TTC6: variants seen among roughly 807,000 people sequenced by gnomAD.
TTC6 encodes the protein tetratricopeptide repeat domain 6, also known as tetratricopeptide repeat protein 6.
In TTC6, 172 loss-of-function variants were observed where a neutral mutation model predicts 210.4. That is an observed-to-expected ratio of 0.82 (90% CI 0.72 to 0.93). TTC6 has a LOEUF of 0.93. Ranked by LOEUF, TTC6 falls within the 40% of genes least tolerant of loss-of-function variation. The probability of loss-of-function intolerance (pLI) is 0.00; values close to 1 mark genes in which losing one functional copy is unlikely to be tolerated. For synonymous variants in TTC6, 804 were observed against 819.6 expected, an observed-to-expected ratio of 0.98 and a Z score of 0.32; for missense variants, 2,414 against 2,318.1, an observed-to-expected ratio of 1.04 and a Z score of -0.85.
chr14:37,724,153 T>A (rs1017393112), intron 6 of TTC6, among the ~76,000 whole-genome samples: 5 of 152,118 alleles, frequency 3.3e-5, no homozygotes, highest in Admixed American at 3.3e-4. Flanking sequence ...TTCATGTTTT[T>A]TAAAATAAAA....
exon 12 of TTC6, chr14:37,749,721 T>A (rs756169914): frequency 7.0e-7 from 1 of 1,427,582 alleles, no homozygotes; most frequent in Non-Finnish European, 9.1e-7. Context: ...TAGGTAATAC[T>A]CTTGGAACCA....
At chr14:37,665,148 G>A (rs1257165378) in intron 1 of TTC6, among the ~76,000 whole-genome samples, 1 of 150,374 alleles carries the variant, frequency 6.7e-6, no homozygotes, top group African/African-American at 2.4e-5. Context: ...CCATTACGGG[G>A]TATATACCCA....
At chr14:37,695,960 T>C (rs1320532747) in intron 3 of TTC6, among the ~76,000 whole-genome samples, 1 of 152,152 alleles carries the variant, frequency 6.6e-6, no homozygotes, top group African/African-American at 2.4e-5. Context: ...TAGTAGCAAA[T>C]GTGAAAAACT....
chr14:37,713,513 C>G (rs2095847893), intron 5 of TTC6, among the ~76,000 whole-genome samples: 1 of 151,956 alleles, frequency 6.6e-6, no homozygotes, highest in African/African-American at 2.4e-5. Flanking sequence ...GCTGGGATTA[C>G]AGGCATGAAC....
intron 2 of TTC6, among the ~76,000 whole-genome samples, chr14:37,681,601 T>C (rs1227311408): frequency 6.6e-6 from 1 of 152,150 alleles, no homozygotes; most frequent in Non-Finnish European, 1.5e-5. Context: ...ACCTTTCGAC[T>C]TGGTACCGGG....
At chr14:37,814,876 G>T (rs2096137895) in intron 25 of TTC6, among the ~76,000 whole-genome samples, 1 of 152,146 alleles carries the variant, frequency 6.6e-6, no homozygotes, top group Non-Finnish European at 1.5e-5. Flanking sequence ...CAGTTTTAGT[G>T]GGAAAGATTG....
rs543526019 is a variant in TTC6, at chr14:37,686,749, A to G, written c.1257+3785A>G. Among the ~76,000 whole-genome samples, 199 of 152,272 alleles carry G rather than the reference A, an allele frequency of 1.3e-3. 1 individual carries two copies. The highest frequency in any genetic ancestry group is 6.5e-4 in the Non-Finnish European group (44 of 68,016). On this transcript the variant is annotated intron_variant, in intron 3 of 30. Coordinates refer to ENST00000553443, the Ensembl canonical transcript of TTC6. ...GAAACCATCAGATGTTGTGAGACTT[A>G]TTAACTACCATGAGAACAGTATGGA...
chr14:37,606,594 C>A, intron 1 of TTC6, 69 bp from the exon 2 acceptor site: 1 of 302,486 alleles, frequency 3.3e-6, no homozygotes, highest in Non-Finnish European at 4.9e-6. Flanking sequence ...CCTAATATTG[C>A]TAGACCTTGA....
At chr14:37,732,812 G>A (rs934647847) in intron 7 of TTC6, among the ~76,000 whole-genome samples, 1 of 150,278 alleles carries the variant, frequency 6.7e-6, no homozygotes, top group South Asian at 2.1e-4. Context: ...TAGAGACGGG[G>A]TTTCACCATG....
At chr14:37,685,953 C>T (rs959476552) in intron 3 of TTC6, among the ~76,000 whole-genome samples, 1 of 152,014 alleles carries the variant, frequency 6.6e-6, no homozygotes, top group Admixed American at 6.6e-5. Flanking sequence ...GTGTTTGAAC[C>T]CTTCTAAAAG....
intron 10 of TTC6, among the ~76,000 whole-genome samples, chr14:37,746,207 G>T (rs1957577): frequency 0.94 from 142,300 of 152,170 alleles, 67,305 homozygotes; most frequent in East Asian, 1. Flanking sequence ...CAAATTTCTT[G>T]GCTCCCGTTC....
chr14:37,738,689 A>C, intron 9 of TTC6, 87 bp from the exon 12 acceptor site: 1 of 1,095,934 alleles, frequency 9.1e-7, no homozygotes, highest in East Asian at 2.7e-5. Flanking sequence ...CCACATTAAT[A>C]GTAATTGTAA....
chr14:37,750,773 C>T (rs1293810770), intron 12 of TTC6, among the ~76,000 whole-genome samples: 1 of 151,950 alleles, frequency 6.6e-6, no homozygotes, highest in Non-Finnish European at 1.5e-5. Flanking sequence ...ATCTGTAGTC[C>T]CAGCTATTTA....
intron 1 of TTC6, among the ~76,000 whole-genome samples, chr14:37,666,652 G>A (rs1289571946): frequency 6.7e-6 from 1 of 150,176 alleles, no homozygotes; most frequent in Non-Finnish European, 1.5e-5. Flanking sequence ...GGGAAGTAAG[G>A]AAAGATACCC....
chr14:37,754,726 C>T (rs1373103356), intron 14 of TTC6, among the ~76,000 whole-genome samples: 1 of 152,088 alleles, frequency 6.6e-6, no homozygotes, highest in Non-Finnish European at 1.5e-5. Flanking sequence ...AGCCACCATG[C>T]CCGGACTGGA....
intron 4 of TTC6, among the ~76,000 whole-genome samples, chr14:37,699,542 A>G (rs1350025975): frequency 6.6e-6 from 1 of 152,142 alleles, no homozygotes; most frequent in Non-Finnish European, 1.5e-5. Context: ...CAACCAATCA[A>G]TTTGCTGGGT....
chr14:37,823,654 C>A, intron 26 of TTC6, 93 bp from the exon 29 acceptor site: 3 of 1,145,330 alleles, frequency 2.6e-6, no homozygotes, highest in Non-Finnish European at 3.7e-6. Flanking sequence ...CAATTCAAAT[C>A]TTTATGGAAA....
intron 8 of TTC6, among the ~76,000 whole-genome samples, chr14:37,736,378 AT>A (rs1279770819): frequency 6.6e-6 from 1 of 152,084 alleles, no homozygotes; most frequent in Non-Finnish European, 1.5e-5. Context: ...GTACTTCTTC[AT>A]TTTGGAAAAT....
chr14:37,788,989 C>T (rs1277009999), intron 15 of TTC6, among the ~76,000 whole-genome samples: 1 of 152,098 alleles, frequency 6.6e-6, no homozygotes, highest in Non-Finnish European at 1.5e-5. Flanking sequence ...CTCCCCACTT[C>T]TAGGCTATCA....
Sources: allele counts gnomAD v4.1 joint callset (sites outside exome capture counted in the v4.1 genomes callset), GRCh38; gene constraint gnomAD v4.1.1; transcripts MANE v1.5; gene names NCBI Gene and HGNC (gene_info 2026-07-23, HGNC 2026-07-21).